Variants in MMD2 observed in about 807,000 individuals in gnomAD.
The protein encoded by MMD2 is monocyte to macrophage differentiation factor 2.
A neutral mutation model predicts 33.5 loss-of-function variants in MMD2; 30 were observed. That is an observed-to-expected ratio of 0.90 (90% CI 0.67 to 1.22). The LOEUF (loss-of-function observed/expected upper bound fraction) is 1.22, where lower values mean the gene tolerates loss of function less well. MMD2 is among the 50% of genes most tolerant of loss of function. The pLI is 0.00. For missense variants in MMD2, 364 were observed against 325.4 expected, an observed-to-expected ratio of 1.12 and a Z score of -0.91; for synonymous variants, 129 against 123.0, an observed-to-expected ratio of 1.05 and a Z score of -0.32.
intron 3 of MMD2, among the ~76,000 whole-genome samples, chr7:4,917,256 C>G (rs1455461717): frequency 1.3e-5 from 2 of 152,180 alleles, no homozygotes; most frequent in Admixed American, 1.3e-4. Context: ...CGCTCTAGGT[C>G]TCAGCTTCCT....
At chr7:4,917,934 T>C (rs1785182288) in intron 3 of MMD2, among the ~76,000 whole-genome samples, 1 of 152,132 alleles carries the variant, frequency 6.6e-6, no homozygotes, top group Non-Finnish European at 1.5e-5. Context: ...TGATGGTGTG[T>C]GGTTCCTGAG....
At position 4,907,370 on chromosome 7, in the gene MMD2, A is replaced by G. The variant is rs1784889538; in HGVS notation, c.*26T>C. 3.7e-6 allele frequency: 6 copies of G among 1,612,418 alleles called. No homozygotes were observed. The African/African-American group carries it at 8.0e-5, about 21-fold the overall frequency. On this transcript the variant is annotated 3_prime_UTR_variant, in exon 7 of 7. Transcript: ENST00000401401. ...GAAACGTGCTCCACTCCTAAAGCCC[A>G]AACGACCTCTCAAGTCTGGGTCACC...
At chr7:4,932,056 C>T (rs1158167397) in intron 1 of MMD2, among the ~76,000 whole-genome samples, 4 of 152,200 alleles carry the variant, frequency 2.6e-5, no homozygotes, top group Admixed American at 1.3e-4. Context: ...GGCCTGCAGC[C>T]CTGGCTTCCC....
chr7:4,939,768 T>C (rs1203507767), intron 1 of MMD2, among the ~76,000 whole-genome samples: 23 of 148,902 alleles, frequency 1.5e-4, no homozygotes, highest in Admixed American at 1.2e-3. Flanking sequence ...TGAGATGGAG[T>C]CCTGCGCTGT....
Position 4,946,017 on chromosome 7 carries a change from C to T in MMD2, c.47+12954G>A, listed in dbSNP as rs1786066692. ...TTCCTATGTAACGCAGCTGCCTGCT[C>T]AGAGAAGATTCCTCTGGAGACGTAC... is the stretch of plus-strand genomic sequence containing the variant. On this transcript the variant is annotated intron_variant, in intron 1 of 6. Transcript: ENST00000401401. This position sits in a 1 kb window ranked among gnomAD's most constrained non-coding sequence, Gnocchi z 5.0. Among the ~76,000 whole-genome samples the T allele has an allele frequency of 6.6e-6, 1 of 152,154 alleles. No homozygotes were observed. Among genetic ancestry groups the T allele is most frequent in the African/African-American group, 2.4e-5 (1 of 41,454 alleles).
At chr7:4,929,419 G>A (rs1277135612) in intron 1 of MMD2, among the ~76,000 whole-genome samples, 3 of 152,136 alleles carry the variant, frequency 2.0e-5, no homozygotes, top group African/African-American at 7.2e-5. Context: ...CCCCCCCCAG[G>A]AGCCCAGAAC....
intron 1 of MMD2, among the ~76,000 whole-genome samples, chr7:4,941,211 T>C (rs932465745): frequency 1.3e-5 from 2 of 152,174 alleles, no homozygotes; most frequent in African/African-American, 4.8e-5. Flanking sequence ...CTAGGGGCTC[T>C]CACCCACCAA....
intron 1 of MMD2, among the ~76,000 whole-genome samples, chr7:4,943,242 C>T (rs1292703932): frequency 6.6e-6 from 1 of 151,714 alleles, no homozygotes; most frequent in Non-Finnish European, 1.5e-5. Flanking sequence ...AACTCCTGAC[C>T]TTGTGATCCG....
At chr7:4,901,783 CGGAGCCGGG>C (rs1784798016), downstream of MMD2, among the ~76,000 whole-genome samples, 1 of 152,202 alleles carries the variant, frequency 6.6e-6, no homozygotes, top group African/African-American at 2.4e-5. Context: ...TGGGAAGTGG[CGGAGCCGGG>C]GGAGCCTGCA....
chr7:4,908,617 A>G (rs1377779630), intron 6 of MMD2, among the ~76,000 whole-genome samples: 1 of 151,846 alleles, frequency 6.6e-6, no homozygotes, highest in Non-Finnish European at 1.5e-5. Flanking sequence ...AATGAGCTCA[A>G]GGCCGGGCAC....
At chr7:4,935,950 C>T (rs60246037) in intron 1 of MMD2, among the ~76,000 whole-genome samples, 30,831 of 151,612 alleles carry the variant, frequency 0.2, 4,221 homozygotes, top group African/African-American at 0.38. Context: ...TTTGGGAGGC[C>T]GAGGCAAGCA....
At chr7:4,956,261 G>C (rs980368763) in intron 1 of MMD2, among the ~76,000 whole-genome samples, 7 of 151,360 alleles carry the variant, frequency 4.6e-5, no homozygotes, top group African/African-American at 7.3e-5. Flanking sequence ...CATCTTTACA[G>C]ATACTTTTTT....
chr7:4,911,782 G>A (rs1490293999), intron 4 of MMD2, among the ~76,000 whole-genome samples: 2 of 151,956 alleles, frequency 1.3e-5, no homozygotes, highest in African/African-American at 4.8e-5. Flanking sequence ...CTGAGTAGCT[G>A]GGATTACAGG....
chr7:4,951,336 A>G (rs910739582), intron 1 of MMD2, among the ~76,000 whole-genome samples: 1 of 152,044 alleles, frequency 6.6e-6, no homozygotes, highest in African/African-American at 2.4e-5. Flanking sequence ...CCCATGGAAC[A>G]GTGGTCGGGT....
At chr7:4,896,203 C>T in the MMD2 span, among the ~76,000 whole-genome samples, 3 of 152,072 alleles carry the variant, frequency 2.0e-5, no homozygotes, top group Non-Finnish European at 2.9e-5. Context: ...AATAATAGGC[C>T]AGGTGGTGGC....
chr7:4,910,553 G>GT (rs1020987740), intron 5 of MMD2, among the ~76,000 whole-genome samples: 2 of 152,024 alleles, frequency 1.3e-5, no homozygotes, highest in African/African-American at 4.8e-5. Flanking sequence ...AATAATTTAG[G>GT]TAGGGCAGGT....
Position 4,920,244 on chromosome 7 carries a change from C to A in MMD2, c.217G>T (p.Gly73Cys). Residue 73 changes from glycine to cysteine, a missense_variant, in exon 3 of 7, where the codon GGC (glycine) becomes TGC (cysteine). Coordinates refer to ENST00000401401, the MANE Select transcript of MMD2 (RefSeq NM_198403.4). ...ACGAAGAGGCCGCAGAGGCCGAGGC[C>A]GTAGATCCAGGCAGAGATGGTCTCC... ...DWETISAWIY[G>C]LGLCGLFVVS... is the part of the protein sequence containing the mutation. 6.3e-7 allele frequency: 1 copy of A among 1,598,384 alleles called. No individual in the cohort carries two copies. The highest frequency in any genetic ancestry group is 8.5e-7 in the Non-Finnish European group (1 of 1,173,176).
At chr7:4,902,874 T>C (rs1784812888), downstream of MMD2, among the ~76,000 whole-genome samples, 1 of 152,182 alleles carries the variant, frequency 6.6e-6, no homozygotes, top group South Asian at 2.1e-4. Flanking sequence ...CACCTCCCAC[T>C]TCCTGAGCCC....
At chr7:4,919,097 TC>T (rs1388941174) in intron 3 of MMD2, among the ~76,000 whole-genome samples, 1 of 150,684 alleles carries the variant, frequency 6.6e-6, no homozygotes, top group Non-Finnish European at 1.5e-5. Flanking sequence ...AGACCCCATC[TC>T]AAAAAAAAAT....
Sources: gnomAD v4.1 joint callset for allele counts (sites outside exome capture counted in the v4.1 genomes callset) on GRCh38, gnomAD v4.1.1 for gene constraint, Gnocchi (gnomAD v3.1) non-coding constraint, MANE v1.5 for transcripts, NCBI Gene and HGNC (gene_info 2026-07-23, HGNC 2026-07-21) for gene names.